CFAP91: variants seen among roughly 807,000 people sequenced by gnomAD.
CFAP91 encodes cilia and flagella associated protein 91, also known as cilia- and flagella-associated protein 91.
A neutral mutation model predicts 95.9 loss-of-function variants in CFAP91; 85 were observed. The ratio of observed to expected loss-of-function variants is 0.89; its 90% confidence interval spans 0.74 to 1.06. The LOEUF (loss-of-function observed/expected upper bound fraction) is 1.06, where lower values mean the gene tolerates loss of function less well. Among genes scored for constraint, CFAP91 ranks in the 50% least tolerant of loss-of-function variants. The pLI, the probability that CFAP91 is intolerant of heterozygous loss-of-function variation, is 0.00. For missense variants in CFAP91, 962 were observed against 943.4 expected, an observed-to-expected ratio of 1.02 and a Z score of -0.26; for synonymous variants, 335 against 327.5, an observed-to-expected ratio of 1.02 and a Z score of -0.25.
Position 119,747,284 on chromosome 3 carries a change from T to C in CFAP91, c.2051+21T>C, listed in dbSNP as rs199519530. On this transcript the variant is annotated intron_variant, in intron 15 of 17. Transcript: ENST00000273390. Reference sequence around the variant, plus strand: ...AGCCGGTGTGTATCAAGAGAACAGATTGTAGAATGGACAGCCCATTTGCTG... The same window carrying C: ...AGCCGGTGTGTATCAAGAGAACAGACTGTAGAATGGACAGCCCATTTGCTG... The C allele has an allele frequency of 6.6e-5, 106 of 1,605,250 alleles. No homozygotes were observed. The Admixed American group carries it at 8.1e-4, about 12-fold the overall frequency.
intron 17 of CFAP91, among the ~76,000 whole-genome samples, chr3:119,763,171 A>G (rs915892795): frequency 6.6e-6 from 1 of 152,106 alleles, no homozygotes; most frequent in African/African-American, 2.4e-5. Flanking sequence ...CTGAATAGAC[A>G]TTTCTCAAAA....
chr3:119,718,313 G>A (rs571184313), intron 6 of CFAP91, among the ~76,000 whole-genome samples: 10 of 152,156 alleles, frequency 6.6e-5, no homozygotes, highest in African/African-American at 1.2e-4. Context: ...AAACTATAAC[G>A]TTTGAAATAA....
chr3:119,739,062 A>C (rs965425547), intron 11 of CFAP91, among the ~76,000 whole-genome samples, 193 bp from the exon 12 acceptor site: 3 of 152,194 alleles, frequency 2.0e-5, no homozygotes, highest in African/African-American at 7.2e-5. Context: ...AATGATGAAA[A>C]ATAATGAATT....
chr3:119,703,989 C>T (rs182558552), intron 1 of CFAP91, among the ~76,000 whole-genome samples: 1 of 152,318 alleles, frequency 6.6e-6, no homozygotes, highest in Admixed American at 6.5e-5. Context: ...TCACCTGAAC[C>T]TTGCATTGCT....
intron 15 of CFAP91, 55 bp downstream of exon 15, chr3:119,747,318 A>G (rs533608057): frequency 1.3e-6 from 2 of 1,547,006 alleles, no homozygotes; most frequent in East Asian, 2.3e-5. Flanking sequence ...TGGTACTCAT[A>G]TATATTTTTT....
At chr3:119,753,663 A>G (rs1041318796) in intron 17 of CFAP91, among the ~76,000 whole-genome samples, 5 of 152,152 alleles carry the variant, frequency 3.3e-5, no homozygotes, top group Non-Finnish European at 7.4e-5. Context: ...TTAGACCCAG[A>G]CTTTATTTTT....
At chr3:119,745,507 C>T (rs1302658844) in intron 14 of CFAP91, among the ~76,000 whole-genome samples, 3 of 152,292 alleles carry the variant, frequency 2.0e-5, no homozygotes, top group East Asian at 1.9e-4. Context: ...CATACATACA[C>T]GCACAAACGT....
At chr3:119,732,847 A>G (rs34333922) in intron 9 of CFAP91, among the ~76,000 whole-genome samples, 33,660 of 152,186 alleles carry the variant, frequency 0.22, 3,874 homozygotes, top group Admixed American at 0.25. Context: ...GGGCAAGAGG[A>G]TGGAGAACCA....
Position 119,766,544 on chromosome 3 carries a change from C to T in CFAP91, c.*1494C>T, listed in dbSNP as rs557461538. The T allele has an allele frequency of 6.6e-6, 1 of 152,034 alleles. No individual in the cohort carries two copies. The highest frequency in any genetic ancestry group is 1.9e-4 in the East Asian group (1 of 5,172). 9.4% of individuals were successfully genotyped at this position (152,034 alleles called of 1,614,324 possible). A position where few individuals can be genotyped will look rare whatever the true frequency, so the allele number is the denominator to read the frequency against. On this transcript the variant is annotated 3_prime_UTR_variant, in exon 18 of 18. Transcript: ENST00000273390. ...ATAAACCATCGAGAACACAAAATGA[C>T]AAGTGAGTTAGGTTGGGCTGATGGG...
Position 119,766,686 on chromosome 3 carries a change from C to CT in CFAP91, c.*1636_*1637insT, listed in dbSNP as rs959928603. 1.3e-5 allele frequency: 2 copies of CT among 152,094 alleles called. No individual in the cohort carries two copies. Among genetic ancestry groups the CT allele is most frequent in the Admixed American group, 1.3e-4 (2 of 15,274 alleles). The allele number at this position is 152,094 out of a possible 1,614,324, so 9.4% of individuals were successfully genotyped here. On this transcript the variant is annotated 3_prime_UTR_variant, in exon 18 of 18. Coordinates refer to ENST00000273390, the MANE Select transcript of CFAP91 (RefSeq NM_033364.4). ...ATGGTCGCCATCATAACTGCATACTCAACTCTGCCGTTGTAGGGTAAGAGC... is the reference window on the plus strand; with the variant it reads ...ATGGTCGCCATCATAACTGCATACTCTAACTCTGCCGTTGTAGGGTAAGAGC...
rs752490129 is a variant in CFAP91 at position 119,739,267 on chromosome 3, A to C, written c.1474A>C (p.Met492Leu). 24 of 1,614,030 alleles carry C rather than the reference A, an allele frequency of 1.5e-5. No homozygotes were observed. Among genetic ancestry groups the C allele is most frequent in the African/African-American group, 2.7e-5 (2 of 74,942 alleles). The part of the protein sequence containing the change: ...LEMTSNEEEE[M>L]EMAVIYLQKL... ...TTTGTTCTTTTAGGAAGAAGAAGAAATGGAAATGGCTGTGATCTACCTTCA... is the reference window on the plus strand; with the variant it reads ...TTTGTTCTTTTAGGAAGAAGAAGAACTGGAAATGGCTGTGATCTACCTTCA... The change falls in exon 12 of 18, where the codon ATG becomes CTG. Residue 492 changes from methionine (M) to leucine (L), a missense_variant. By Grantham distance (15) the Met-to-Leu change is conservative. Coordinates refer to ENST00000273390, the MANE Select transcript of CFAP91 (RefSeq NM_033364.4).
At chr3:119,707,730 G>GATATATATATATATAT (rs1425003167) in intron 3 of CFAP91, among the ~76,000 whole-genome samples, 169 bp downstream of exon 3, 8 of 116,768 alleles carry the variant, frequency 6.9e-5, no homozygotes, top group Non-Finnish European at 1.1e-4. Context: ...TTGTATATAT[G>GATATATATATATATAT]AGATATATAT....
intron 2 of CFAP91, 126 bp from the exon 3 acceptor site, chr3:119,707,278 T>C (rs1354751411): frequency 1.4e-6 from 1 of 694,374 alleles, no homozygotes; most frequent in Non-Finnish European, 2.3e-6. Flanking sequence ...CATACAGCAA[T>C]AACCCCTCTT....
intron 3 of CFAP91, among the ~76,000 whole-genome samples, 189 bp downstream of exon 3, chr3:119,707,750 A>ATATATATATATATATATATAC (rs1237395712): frequency 9.0e-6 from 1 of 111,494 alleles, no homozygotes; most frequent in Non-Finnish European, 1.9e-5. Flanking sequence ...TATATATATA[A>ATATATATATATATATATATAC]TTTTGTCATA....
In CFAP91 at chr3:119,766,781, A is replaced by G. The variant is rs2054638976; in HGVS notation, c.*1731A>G. The G allele has an allele frequency of 6.6e-6, 1 of 152,258 alleles. No individual in the cohort carries two copies. The allele number at this position is 152,258 out of a possible 1,614,324, so 9.4% of individuals were successfully genotyped here. On this transcript the variant is annotated 3_prime_UTR_variant, in exon 18 of 18. Transcript: ENST00000273390. The stretch of plus-strand genomic sequence containing the variant: ...TAAAATTTTATTTTAATTAAAATCA[A>G]TTCATGTTTGAAAAAGGATTTAAAG...
chr3:119,735,158 CT>C (rs1404730988), intron 10 of CFAP91, among the ~76,000 whole-genome samples: 2 of 152,064 alleles, frequency 1.3e-5, no homozygotes, highest in Non-Finnish European at 2.9e-5. Context: ...ATCAAGTTTA[CT>C]GAAGGCTTGC....
At chr3:119,713,127 ATTTATTTT>A (rs1194506196) in intron 5 of CFAP91, 2 of 113,562 alleles carry the variant, frequency 1.8e-5, no homozygotes, top group Admixed American at 9.4e-5. Context: ...TTATTTATTT[ATTTATTTT>A]TTGAGATGGA....
In CFAP91 at chr3:119,739,340, A is replaced by G. The variant is rs2054071932; in HGVS notation, c.1533+14A>G. 6.2e-7 allele frequency: 1 copy of G among 1,612,112 alleles called. No homozygotes were observed. The highest frequency in any genetic ancestry group is 8.5e-7 in the Non-Finnish European group (1 of 1,178,306). ...GTTCAGAACATGGTGTGTAGGTCCA[A>G]CCGCTGGCCCTGCATTTCTCTTTTG... is the stretch of plus-strand genomic sequence containing the variant. On this transcript the variant is annotated intron_variant, in intron 12 of 17. Coordinates refer to ENST00000273390, the MANE Select transcript of CFAP91 (RefSeq NM_033364.4).
At chr3:119,743,087 C>T (rs76513087) in intron 13 of CFAP91, among the ~76,000 whole-genome samples, 5,261 of 151,758 alleles carry the variant, frequency 0.035, 286 homozygotes, top group African/African-American at 0.12. Context: ...CAATGGGTCC[C>T]TAATTTTGCC....
Sources: allele counts gnomAD v4.1 joint callset (sites outside exome capture counted in the v4.1 genomes callset), GRCh38; gene constraint gnomAD v4.1.1; transcripts MANE v1.5; gene names NCBI Gene and HGNC (gene_info 2026-07-23, HGNC 2026-07-21).